MIB1: variants seen among roughly 807,000 people sequenced by gnomAD.
The protein encoded by MIB1 is E3 ubiquitin-protein ligase MIB1.
MIB1 carries 278 observed loss-of-function variants against 124.5 expected under a neutral mutation model. The ratio of observed to expected loss-of-function variants is 2.23; its 90% CI spans 2.02 to 2.47. The LOEUF (loss-of-function observed/expected upper bound fraction) is 2.47, where lower values mean the gene tolerates loss of function less well. Ranked by LOEUF, MIB1 falls within the 30% of genes most tolerant of loss-of-function variation. The probability of loss-of-function intolerance (pLI) is 0.00; values close to 1 mark genes in which losing one functional copy is unlikely to be tolerated. For synonymous variants in MIB1, 446 were observed against 429.4 expected (o/e 1.04, Z -0.48); for missense variants, 957 against 1,254.4 (o/e 0.76, Z 3.58).
intron 3 of MIB1, among the ~76,000 whole-genome samples, 162 bp from the exon 4 acceptor site, chr18:21,773,460 TAA>T (rs1253590712): frequency 6.6e-6 from 1 of 152,248 alleles, no homozygotes; most frequent in Non-Finnish European, 1.5e-5. Flanking sequence ...AATGATAATT[TAA>T]CTATGTTAGC....
chr18:21,853,281 T>C (rs370008594), intron 18 of MIB1, 63 bp downstream of exon 18: 11 of 1,288,156 alleles, frequency 8.5e-6, no homozygotes, highest in Non-Finnish European at 1.2e-5. Context: ...ACAAAAATTA[T>C]GTTTTTGAGG....
chr18:21,837,785 A>G lies in MIB1; in HGVS notation c.1830-580A>G, dbSNP rs1428042609. 2.0e-5 allele frequency among the ~76,000 whole-genome samples: 3 copies of G among 152,336 alleles called. No homozygotes were observed. The East Asian group carries it at 5.8e-4, about 29-fold the overall frequency. Reference sequence around the variant, plus strand: ...ACTTGGTTTACCACTTCTAAATGACATATGTCAAGTTTTAACTTTGCAATT... The same window carrying G: ...ACTTGGTTTACCACTTCTAAATGACGTATGTCAAGTTTTAACTTTGCAATT... On this transcript the variant is annotated intron_variant, in intron 12 of 20. Transcript: ENST00000261537.
chr18:21,753,682 T>A (rs1442094771), intron 1 of MIB1, among the ~76,000 whole-genome samples: 5 of 151,872 alleles, frequency 3.3e-5, no homozygotes, highest in African/African-American at 9.7e-5. Flanking sequence ...TTTCTTTCTT[T>A]CGTTTTTTTT....
intron 1 of MIB1, among the ~76,000 whole-genome samples, chr18:21,765,290 G>T (rs2146405982): frequency 6.6e-6 from 1 of 152,268 alleles, no homozygotes; most frequent in Non-Finnish European, 1.5e-5. Flanking sequence ...CTGACTATGG[G>T]AAAAACTTGT....
chr18:21,867,381 A>C lies in MIB1; in HGVS notation c.*2715A>C, dbSNP rs1374439936. The C allele has an allele frequency of 6.6e-6, 1 of 152,572 alleles. No homozygotes were observed. The highest frequency in any genetic ancestry group is 1.5e-5 in the Non-Finnish European group (1 of 68,016). 9.5% of individuals were successfully genotyped at this position (152,572 alleles called of 1,614,324 possible). On this transcript the variant is annotated 3_prime_UTR_variant, in exon 21 of 21. Coordinates refer to ENST00000261537, the MANE Select transcript of MIB1 (RefSeq NM_020774.4). ...TTCTTCTAAGATTGTTAGCGTTGTT[A>C]CTCAAAACATACACATACAACATAC...
In MIB1 at chr18:21,865,482, T is replaced by A. The variant is rs188060542; in HGVS notation, c.*816T>A. On this transcript the variant is annotated 3_prime_UTR_variant, in exon 21 of 21. Transcript: ENST00000261537. ...CACTATTTTGTTCAGCCAGTGTTTT[T>A]AAAAAAAATCTATGAAAAGTGTACT... 7.1e-4 allele frequency: 108 copies of A among 152,368 alleles called. No individual in the cohort carries two copies. The highest frequency in any genetic ancestry group is 2.4e-3 in the African/African-American group (98 of 41,540). The allele number at this position is 152,368 out of a possible 1,614,324, so 9.4% of individuals were successfully genotyped here.
intron 11 of MIB1, chr18:21,817,682 G>T: frequency 2.2e-6 from 1 of 447,194 alleles, no homozygotes; most frequent in South Asian, 1.6e-5. Context: ...TGGCTTAGGG[G>T]AGCATAGGGC....
At position 21,745,645 on chromosome 18, in the gene MIB1, A is replaced by G. The variant is rs564243007; in HGVS notation, c.229+3833A>G. Among the ~76,000 whole-genome samples the G allele has an allele frequency of 1.5e-4, 23 of 151,328 alleles. No homozygotes were observed. The East Asian group carries it at 4.3e-3, about 28-fold the overall frequency. ...TATTTTGGTAATGTTCTGTGATTAA[A>G]CCTACCCCATGGTGAGTGCATAGGT... On this transcript the variant is annotated intron_variant, in intron 1 of 20. Transcript: ENST00000261537.
intron 1 of MIB1, among the ~76,000 whole-genome samples, chr18:21,713,887 G>A (rs936576992): frequency 6.6e-6 from 1 of 151,776 alleles, no homozygotes; most frequent in Non-Finnish European, 1.5e-5. Flanking sequence ...GTGTGAGCCA[G>A]CACACCTGGC....
intron 17 of MIB1, among the ~76,000 whole-genome samples, chr18:21,852,664 A>T (rs2042190171): frequency 6.6e-6 from 1 of 152,228 alleles, no homozygotes. Context: ...GGGCACTTTA[A>T]GGTAGAGTTT....
At chr18:21,846,862 C>T in intron 15 of MIB1, 82 bp from the exon 16 acceptor site, 1 of 1,334,608 alleles carries the variant, frequency 7.5e-7, no homozygotes, top group Non-Finnish European at 1.1e-6. Context: ...AAGTGTCCAC[C>T]ACACACACAT....
chr18:21,794,072 T>A (rs1464032846), intron 7 of MIB1: 1 of 151,934 alleles, frequency 6.6e-6, no homozygotes, highest in Admixed American at 6.6e-5. Flanking sequence ...ACAGAGCAGG[T>A]CAAAACTCTC....
At chr18:21,828,608 G>A (rs2041948746) in intron 12 of MIB1, 1 of 156,014 alleles carries the variant, frequency 6.4e-6, no homozygotes, top group Non-Finnish European at 1.4e-5. Context: ...CCCTACTAAT[G>A]AGATATACTT....
intron 12 of MIB1, among the ~76,000 whole-genome samples, chr18:21,836,079 C>T (rs1194689205): frequency 6.6e-6 from 1 of 151,372 alleles, no homozygotes; most frequent in Non-Finnish European, 1.5e-5. Flanking sequence ...TGGTGAAACC[C>T]CGCCTCTACA....
Position 21,865,933 on chromosome 18 carries a change from T to G in MIB1, c.*1267T>G, listed in dbSNP as rs574909191. 1 of 152,318 alleles carries G rather than the reference T, an allele frequency of 6.6e-6. No individual in the cohort carries two copies. Among genetic ancestry groups the G allele is most frequent in the South Asian group, 2.1e-4 (1 of 4,828 alleles). The allele number at this position is 152,318 out of a possible 1,614,324, so 9.4% of individuals were successfully genotyped here. ...AAACAAACAAAATTTTTGGAGCATT[T>G]AATCATTTTTTTTCTCCTTTTATCT... is the stretch of plus-strand genomic sequence containing the variant. On this transcript the variant is annotated 3_prime_UTR_variant, in exon 21 of 21. Transcript: ENST00000261537.
chr18:21,862,840 C>T (rs1296958899), intron 20 of MIB1, among the ~76,000 whole-genome samples: 1 of 152,220 alleles, frequency 6.6e-6, no homozygotes, highest in African/African-American at 2.4e-5. Context: ...CACTGCTCCC[C>T]ACCCTGCACC....
Position 21,849,269 on chromosome 18 carries a change from T to C in MIB1, c.2467T>C (p.Ser823Pro). The change falls in exon 17 of 21, where the codon TCA becomes CCA. Residue 823 changes from serine (S) to proline (P), a missense_variant. Ser to Pro is a moderately conservative substitution (Grantham distance 74). Coordinates refer to ENST00000261537, the MANE Select transcript of MIB1 (RefSeq NM_020774.4). ...AACCTTAGAAGAGTGTATGGTGTGC[T>C]CAGATATGAAGAGAGATACTCTTTT... Reference protein sequence around the residue: ...SETLEECMVCSDMKRDTLFGP... With the variant: ...SETLEECMVCPDMKRDTLFGP... The C allele has an allele frequency of 6.2e-7, 1 of 1,613,146 alleles. No homozygotes were observed. The highest frequency in any genetic ancestry group is 8.5e-7 in the Non-Finnish European group (1 of 1,179,352).
At chr18:21,743,896 A>G (rs998119197) in intron 1 of MIB1, among the ~76,000 whole-genome samples, 2 of 152,138 alleles carry the variant, frequency 1.3e-5, no homozygotes, top group African/African-American at 4.8e-5. Context: ...TATTATCTTA[A>G]TATAAACGTA....
chr18:21,840,075 T>C (rs924486744), intron 13 of MIB1, among the ~76,000 whole-genome samples: 1 of 152,146 alleles, frequency 6.6e-6, no homozygotes, highest in Non-Finnish European at 1.5e-5. Flanking sequence ...CTCAATAGAA[T>C]TGTTTTTACA....
Sources: allele counts gnomAD v4.1 joint callset (sites outside exome capture counted in the v4.1 genomes callset), GRCh38; gene constraint gnomAD v4.1.1; transcripts MANE v1.5; gene names NCBI Gene and HGNC (gene_info 2026-07-23, HGNC 2026-07-21).